The following MEIS1 variants were observed in gnomAD, a reference collection of about 807,000 sequenced individuals.
The protein encoded by MEIS1 is homeobox protein Meis1.
MEIS1 carries 5 observed loss-of-function variants against 50.8 expected under a neutral mutation model. The ratio of observed to expected loss-of-function variants is 0.10; its 90% CI spans 0.05 to 0.21. MEIS1 has a LOEUF of 0.21. MEIS1 is among the 10% of genes least tolerant of loss of function. MEIS1 has a pLI of 1.00. For missense variants in MEIS1, 318 were observed against 517.3 expected, an observed-to-expected ratio of 0.61 and a Z score of 3.74; for synonymous variants, 176 against 179.3, an observed-to-expected ratio of 0.98 and a Z score of 0.15.
intron 6 of MEIS1, among the ~76,000 whole-genome samples, chr2:66,453,532 T>C (rs1023254386): frequency 8.6e-5 from 13 of 151,982 alleles, no homozygotes; most frequent in African/African-American, 3.1e-4. Context: ...CTGATTATTT[T>C]ACCCAAGATA....
rs780799776 is a variant in MEIS1 at position 66,571,388 on chromosome 2, T to C, written c.*180T>C. The C allele has an allele frequency of 1.1e-5, 18 of 1,604,310 alleles. No homozygotes were observed. Among genetic ancestry groups the C allele is most frequent in the Non-Finnish European group, 1.5e-5 (18 of 1,175,680 alleles). On this transcript the variant is annotated 3_prime_UTR_variant, in exon 13 of 13. Coordinates refer to ENST00000272369, the MANE Select transcript of MEIS1 (RefSeq NM_002398.3). ...GGCCCCCCATGCATACGTACATTCCTGGACACCCTCACCACCCAACAGTGA... is the reference window on the plus strand; with the variant it reads ...GGCCCCCCATGCATACGTACATTCCCGGACACCCTCACCACCCAACAGTGA...
intron 9 of MEIS1, among the ~76,000 whole-genome samples, chr2:66,555,199 A>G (rs1232367340): frequency 6.6e-6 from 1 of 151,524 alleles, no homozygotes; most frequent in African/African-American, 2.4e-5. Context: ...GCTTCTTTGC[A>G]TGAGTTTTAT....
intron 9 of MEIS1, among the ~76,000 whole-genome samples, chr2:66,559,930 G>A (rs1376963107): frequency 6.6e-6 from 1 of 152,056 alleles, no homozygotes; most frequent in African/African-American, 2.4e-5. Context: ...CCTAGTAGCT[G>A]GGACTACAGG....
intron 9 of MEIS1, among the ~76,000 whole-genome samples, chr2:66,560,897 A>T (rs1675197652): frequency 6.6e-6 from 1 of 152,162 alleles, no homozygotes. Flanking sequence ...GAACTGTTGG[A>T]TCCTGGAGGA....
intron 8 of MEIS1, among the ~76,000 whole-genome samples, chr2:66,529,353 T>C (rs1381963195): frequency 1.3e-5 from 2 of 152,192 alleles, no homozygotes; most frequent in African/African-American, 2.4e-5. Context: ...TCTGGGAGCT[T>C]TATAAAGTAG....
rs1314482122 is a variant in MEIS1 at position 66,543,839 on chromosome 2, G to A, written c.889-4104G>A. 2.0e-5 allele frequency among the ~76,000 whole-genome samples: 3 copies of A among 152,314 alleles called. No individual in the cohort carries two copies. The South Asian group carries it at 6.2e-4, about 32-fold the overall frequency. ...TTAAGCTTTTAAAAGATAATAGCAT[G>A]AGGCTAATGTACACAACAAAGGCGA... is the stretch of plus-strand genomic sequence containing the variant. On this transcript the variant is annotated intron_variant, in intron 8 of 12. Coordinates refer to ENST00000272369, the MANE Select transcript of MEIS1 (RefSeq NM_002398.3).
rs945249248 is a variant in MEIS1 at position 66,572,904 on chromosome 2, C to T, written c.*1696C>T. The T allele has an allele frequency of 6.6e-6, 1 of 152,112 alleles. No individual in the cohort carries two copies. Among genetic ancestry groups the T allele is most frequent in the Non-Finnish European group, 1.5e-5 (1 of 68,044 alleles). 9.4% of individuals were successfully genotyped at this position (152,112 alleles called of 1,614,324 possible). A position where few individuals can be genotyped will look rare whatever the true frequency, so the allele number is the denominator to read the frequency against. ...CGCAAAGTAAGTTGTTTAATAATAA[C>T]CACTGATTTCTTTAAGCTGACTTAA... On this transcript the variant is annotated 3_prime_UTR_variant, in exon 13 of 13. Transcript: ENST00000272369.
chr2:66,504,475 A>T (rs563272477), intron 7 of MEIS1, among the ~76,000 whole-genome samples: 2 of 152,060 alleles, frequency 1.3e-5, no homozygotes, highest in South Asian at 4.2e-4. Context: ...ACATCAGGTG[A>T]TCCACCCGCC....
chr2:66,476,031 G>A (rs1327223302), intron 7 of MEIS1, among the ~76,000 whole-genome samples: 1 of 152,092 alleles, frequency 6.6e-6, no homozygotes, highest in African/African-American at 2.4e-5. Flanking sequence ...TCATTCTCCA[G>A]TCTTTTCTCC....
intron 8 of MEIS1, among the ~76,000 whole-genome samples, chr2:66,533,960 T>A (rs1479813200): frequency 6.6e-6 from 1 of 152,226 alleles, no homozygotes; most frequent in East Asian, 1.9e-4. Context: ...AATTGAGAAC[T>A]GTATGCATTT....
chr2:66,513,061 A>G (rs1030772554), intron 8 of MEIS1, among the ~76,000 whole-genome samples: 1 of 152,154 alleles, frequency 6.6e-6, no homozygotes, highest in Non-Finnish European at 1.5e-5. Context: ...ATTTATAATA[A>G]TAATATTTTG....
chr2:66,513,042 G>A (rs748702505), intron 8 of MEIS1, among the ~76,000 whole-genome samples: 1 of 152,090 alleles, frequency 6.6e-6, no homozygotes, highest in Non-Finnish European at 1.5e-5. Flanking sequence ...TGAATTTCAT[G>A]TTCAAAATAT....
chr2:66,555,178 A>G (rs566623731), intron 9 of MEIS1, among the ~76,000 whole-genome samples: 1 of 152,152 alleles, frequency 6.6e-6, no homozygotes, highest in East Asian at 1.9e-4. Flanking sequence ...CTGTTTAAGC[A>G]TTATCCATTT....
chr2:66,439,612 T>C (rs1409888932), intron 2 of MEIS1: 1 of 1,536,926 alleles, frequency 6.5e-7, no homozygotes, highest in Admixed American at 2.0e-5. Flanking sequence ...GCTAAACCGA[T>C]CCTCAGATAC....
intron 7 of MEIS1, among the ~76,000 whole-genome samples, chr2:66,507,604 T>C (rs1199868150): frequency 1.3e-5 from 2 of 152,212 alleles, no homozygotes; most frequent in Non-Finnish European, 2.9e-5. Flanking sequence ...TTTTGGGTTT[T>C]GTTGTTGCTT....
At chr2:66,484,269 C>G (rs562941406) in intron 7 of MEIS1, among the ~76,000 whole-genome samples, 8 of 152,188 alleles carry the variant, frequency 5.3e-5, no homozygotes, top group Non-Finnish European at 1.0e-4. Flanking sequence ...AAGGTGCTGA[C>G]TACCCGCTCA....
At chr2:66,528,254 G>A (rs1162523084) in intron 8 of MEIS1, among the ~76,000 whole-genome samples, 1 of 152,158 alleles carries the variant, frequency 6.6e-6, no homozygotes, top group Admixed American at 6.5e-5. Flanking sequence ...TCTGAAGGCT[G>A]TCTGGAGGAA....
intron 7 of MEIS1, among the ~76,000 whole-genome samples, chr2:66,470,546 A>G (rs899186395): frequency 1.2e-4 from 18 of 152,200 alleles, no homozygotes; most frequent in African/African-American, 4.1e-4. Flanking sequence ...TTCTAGCATC[A>G]TGAAATCAGG....
chr2:66,485,601 T>A (rs1015272735), intron 7 of MEIS1, among the ~76,000 whole-genome samples: 5 of 152,236 alleles, frequency 3.3e-5, no homozygotes, highest in African/African-American at 1.2e-4. Context: ...TTATAATCCT[T>A]TGGGAATATA....
Sources: gnomAD v4.1 joint callset for allele counts (sites outside exome capture counted in the v4.1 genomes callset) on GRCh38, gnomAD v4.1.1 for gene constraint, MANE v1.5 for transcripts, NCBI Gene and HGNC (gene_info 2026-07-23, HGNC 2026-07-21) for gene names.